Variants in RXRA observed in about 807,000 individuals in gnomAD.
RXRA encodes the protein retinoid X receptor alpha, also known as retinoic acid receptor RXR-alpha.
A neutral mutation model predicts 44.5 loss-of-function variants in RXRA; 5 were observed. The ratio of observed to expected loss-of-function variants is 0.11; its 90% CI spans 0.06 to 0.24. RXRA has a LOEUF of 0.24. Ranked by LOEUF, RXRA falls within the 10% of genes least tolerant of loss-of-function variation. The pLI, the probability that RXRA is intolerant of heterozygous loss-of-function variation, is 1.00. For synonymous variants in RXRA, 291 were observed against 271.4 expected (o/e 1.07, Z -0.71); for missense variants, 412 against 646.5 (o/e 0.64, Z 3.93).
chr9:134,381,905 G>A (rs1049532841), intron 1 of RXRA, among the ~76,000 whole-genome samples: 4 of 152,158 alleles, frequency 2.6e-5, no homozygotes, highest in South Asian at 2.1e-4. Context: ...GCAGCCTCCC[G>A]GTGGGGGCTG....
intron 4 of RXRA, among the ~76,000 whole-genome samples, chr9:134,415,478 T>TGGGAGGGG (rs1831218511): frequency 6.1e-4 from 7 of 11,448 alleles, no homozygotes; most frequent in African/African-American, 2.4e-3. Context: ...GGTGGGAGGG[T>TGGGAGGGG]GGGATGGGAC....
At chr9:134,356,054 A>T (rs1396890422) in intron 1 of RXRA, among the ~76,000 whole-genome samples, 1 of 152,012 alleles carries the variant, frequency 6.6e-6, no homozygotes, top group African/African-American at 2.4e-5. Context: ...TCACTGTGGG[A>T]TCTGGCTTGG....
Position 134,379,503 on chromosome 9 carries a change from C to T in RXRA, c.29-22129C>T, listed in dbSNP as rs555554184. ...GGACCGAGTCGCTGCCCATCACTGA[C>T]CGTCTGTGGCAGGCACTGCCAGTGG... is the stretch of plus-strand genomic sequence containing the variant. On this transcript the variant is annotated intron_variant, in intron 1 of 9. Coordinates refer to ENST00000481739, the MANE Select transcript of RXRA (RefSeq NM_002957.6). 5.1e-6 allele frequency: 5 copies of T among 986,514 alleles called. No homozygotes were observed. The South Asian group carries it at 1.9e-4, about 37-fold the overall frequency. 61.1% of individuals were successfully genotyped at this position (986,514 alleles called of 1,614,324 possible).
At chr9:134,334,133 G>A (rs1835049525) in intron 1 of RXRA, among the ~76,000 whole-genome samples, 1 of 152,276 alleles carries the variant, frequency 6.6e-6, no homozygotes, top group Non-Finnish European at 1.5e-5. Context: ...AGGTGTTGAG[G>A]CCGCTGCTGG....
chr9:134,429,285 G>T, intron 7 of RXRA, 45 bp downstream of exon 7: 2 of 1,592,830 alleles, frequency 1.3e-6, no homozygotes, highest in South Asian at 1.1e-5. Flanking sequence ...GGTCACCTCC[G>T]CCACCAGGCC....
In RXRA at chr9:134,433,236, C is replaced by A. The variant is rs1479290398; in HGVS notation, c.1136-866C>A. 1.3e-5 allele frequency among the ~76,000 whole-genome samples: 2 copies of A among 152,098 alleles called. No individual in the cohort carries two copies. The highest frequency in any genetic ancestry group is 2.9e-5 in the Non-Finnish European group (2 of 68,024). ...CCAGCTCGGAGGCTGAGTCATGCCA[C>A]GGCCCGGCCCGGCCCGAGGAATCCC... On this transcript the variant is annotated intron_variant, in intron 8 of 9. Coordinates refer to ENST00000481739, the MANE Select transcript of RXRA (RefSeq NM_002957.6). This position sits in a 1 kb window ranked among gnomAD's most constrained non-coding sequence, Gnocchi z 4.2.
At chr9:134,379,847 G>C (rs1830615227) in intron 1 of RXRA, 3 of 985,290 alleles carry the variant, frequency 3.0e-6, no homozygotes, top group Non-Finnish European at 3.6e-6. Flanking sequence ...GGGAGGGGCA[G>C]TGGCCCTGGG....
intron 1 of RXRA, among the ~76,000 whole-genome samples, chr9:134,372,394 A>G (rs1052715327): frequency 2.6e-5 from 4 of 151,836 alleles, no homozygotes; most frequent in Non-Finnish European, 4.4e-5. Context: ...GATGGTGTGG[A>G]GTGGGGGCCG....
intron 1 of RXRA, among the ~76,000 whole-genome samples, chr9:134,368,774 GTGTT>G (rs1468391860): frequency 1.3e-5 from 2 of 151,468 alleles, no homozygotes; most frequent in African/African-American, 2.4e-5. Context: ...GACTGTGAGT[GTGTT>G]TGGGTGTGTG....
At chr9:134,434,495 C>A (rs34703525) in intron 9 of RXRA, among the ~76,000 whole-genome samples, 19 of 152,140 alleles carry the variant, frequency 1.2e-4, no homozygotes, top group Non-Finnish European at 2.1e-4. Context: ...GCTTCACCCC[C>A]CACTGCGCTC....
chr9:134,367,285 C>T (rs1439576261), intron 1 of RXRA, among the ~76,000 whole-genome samples: 1 of 152,198 alleles, frequency 6.6e-6, no homozygotes, highest in Non-Finnish European at 1.5e-5. Flanking sequence ...TCCATCTTCA[C>T]AGCAGTCTAG....
intron 2 of RXRA, chr9:134,405,779 G>C (rs530475862): frequency 6.5e-6 from 1 of 152,750 alleles, no homozygotes; most frequent in African/African-American, 2.4e-5. Context: ...TGCCTCCCCA[G>C]TGCTAGGGCA....
chr9:134,333,068 C>T (rs1385112402), intron 1 of RXRA, among the ~76,000 whole-genome samples: 1 of 152,082 alleles, frequency 6.6e-6, no homozygotes, highest in Non-Finnish European at 1.5e-5. Context: ...GCAGGCCGTC[C>T]AGGGGGAGTA....
rs1315642900 is a variant in RXRA at position 134,421,848 on chromosome 9, T to TG, written c.910+46dup. 10 of 1,607,798 alleles carry TG rather than the reference T, an allele frequency of 6.2e-6. No homozygotes were observed. The Middle Eastern group carries it at 6.6e-4, about 106-fold the overall frequency. On this transcript the variant is annotated intron_variant, in intron 6 of 9. Coordinates refer to ENST00000481739, the MANE Select transcript of RXRA (RefSeq NM_002957.6). ...GGTGGGGATGGGGATGCCATGCAGATGGGACACGTACCAGGACACTCCCCC... is the reference window on the plus strand; with the variant it reads ...GGTGGGGATGGGGATGCCATGCAGATGGGGACACGTACCAGGACACTCCCCC...
At position 134,385,433 on chromosome 9, in the gene RXRA, TC is replaced by T. The variant is rs535497888; in HGVS notation, c.29-16197del. On this transcript the variant is annotated intron_variant, in intron 1 of 9. Coordinates refer to ENST00000481739, the MANE Select transcript of RXRA (RefSeq NM_002957.6). ...CTGCTCAGGCCCTGCCTCACCAGTA[TC>T]CGAGGCTCTGCTCCATTCCGGCCCC... Among the ~76,000 whole-genome samples, 175 of 152,296 alleles carry T rather than the reference TC, an allele frequency of 1.1e-3. 1 individual carries two copies. The highest frequency in any genetic ancestry group is 4.0e-3 in the African/African-American group (165 of 41,574).
Position 134,426,440 on chromosome 9 carries a change from G to A in RXRA, c.911-2668G>A, listed in dbSNP as rs1247724648. 11 of 985,352 alleles carry A rather than the reference G, an allele frequency of 1.1e-5. No individual in the cohort carries two copies. The highest frequency in any genetic ancestry group is 6.1e-5 in the Admixed American group (1 of 16,274). The allele number at this position is 985,352 out of a possible 1,614,324, so 61.0% of individuals were successfully genotyped here. ...GTGGGGCAGGAGAGGAGAAATAACC[G>A]AGTGAGGACATCGGGGTGGAGGGAC... is the stretch of plus-strand genomic sequence containing the variant. On this transcript the variant is annotated intron_variant, in intron 6 of 9. Coordinates refer to ENST00000481739, the MANE Select transcript of RXRA (RefSeq NM_002957.6). This position sits in a 1 kb window ranked among gnomAD's most constrained non-coding sequence, Gnocchi z 4.6.
chr9:134,354,505 C>T (rs1334872525), intron 1 of RXRA, among the ~76,000 whole-genome samples: 5 of 152,194 alleles, frequency 3.3e-5, no homozygotes, highest in Admixed American at 6.5e-5. Context: ...CCATCAGGCA[C>T]TATTGAAGAT....
chr9:134,367,868 G>A (rs888940417), intron 1 of RXRA, among the ~76,000 whole-genome samples: 32 of 152,364 alleles, frequency 2.1e-4, no homozygotes, highest in African/African-American at 7.2e-4. Flanking sequence ...CCCCGGCTCA[G>A]CCAGCAGTTT....
Position 134,436,569 on chromosome 9 carries a change from C to T in RXRA, c.1344C>T (p.Asp448=). ...AGCTCATCGGGGACACACCCATTGA[C>T]ACCTTCCTTATGGAGATGCTGGAGG... ...FFKLIGDTPI[D]TFLMEMLEAP... The change falls in exon 10 of 10, where the codon GAC becomes GAT. Residue 448 remains aspartate, a synonymous_variant. Coordinates refer to ENST00000481739, the MANE Select transcript of RXRA (RefSeq NM_002957.6). The T allele has an allele frequency of 1.2e-6, 2 of 1,614,190 alleles. 1 individual carries two copies. Among genetic ancestry groups the T allele is most frequent in the South Asian group, 2.2e-5 (2 of 91,088 alleles).
Sources: allele counts gnomAD v4.1 joint callset (sites outside exome capture counted in the v4.1 genomes callset), GRCh38; gene constraint gnomAD v4.1.1; non-coding constraint Gnocchi (gnomAD v3.1); transcripts MANE v1.5; gene names NCBI Gene and HGNC (gene_info 2026-07-23, HGNC 2026-07-21).